Variants in MYH9 observed in about 807,000 individuals in gnomAD.
MYH9 encodes the protein myosin-9.
Under a neutral mutation model 241.9 loss-of-function variants are expected in MYH9, and 29 were observed. That is an observed-to-expected ratio of 0.12 (90% CI 0.09 to 0.16). MYH9 has a LOEUF of 0.16. Ranked by LOEUF, MYH9 falls within the 10% of genes least tolerant of loss-of-function variation. MYH9 has a pLI of 1.00. For missense variants in MYH9, 1,803 were observed against 2,595.5 expected (o/e 0.69, Z 6.63); for synonymous variants, 1,047 against 1,062.6 (o/e 0.99, Z 0.29).
At chr22:36,359,642 CCT>C (rs890136527) in intron 1 of MYH9, among the ~76,000 whole-genome samples, 6 of 152,206 alleles carry the variant, frequency 3.9e-5, no homozygotes, top group East Asian at 1.9e-4. Flanking sequence ...TCTAGCACCC[CCT>C]GATTAACCAG....
chr22:36,362,876 C>T (rs374468458), intron 1 of MYH9, among the ~76,000 whole-genome samples: 14 of 152,130 alleles, frequency 9.2e-5, no homozygotes, highest in Admixed American at 7.2e-4. Context: ...AATGATAGCC[C>T]GCCCAGCATG....
At chr22:36,358,262 G>A (rs929872288) in intron 1 of MYH9, among the ~76,000 whole-genome samples, 3 of 152,102 alleles carry the variant, frequency 2.0e-5, no homozygotes, top group East Asian at 1.9e-4. Context: ...ATGGGGTTTC[G>A]CCATATTGGC....
In MYH9 at chr22:36,306,555, C is replaced by T. The variant is rs769225192; in HGVS notation, c.1896G>A (p.Leu632=). 7.4e-6 allele frequency: 12 copies of T among 1,614,020 alleles called. No homozygotes were observed. In the Admixed American group the frequency reaches 2.0e-4, roughly 27 times the overall value. ...DQVAGMSETA[L]PGAFKTRKGM... is the part of the protein sequence containing the mutation. ...CCTTCCGCGTCTTGAAGGCCCCGGGCAGTGCGGTCTCCGACATGCCGGCCA... is the reference window on the plus strand; with the variant it reads ...CCTTCCGCGTCTTGAAGGCCCCGGGTAGTGCGGTCTCCGACATGCCGGCCA... The change falls in exon 16 of 41, where the codon CTG becomes CTA. Residue 632 remains leucine, a synonymous_variant. Coordinates refer to ENST00000216181, the MANE Select transcript of MYH9 (RefSeq NM_002473.6). This position sits in a 1 kb window ranked among gnomAD's most constrained non-coding sequence, Gnocchi z 4.1.
At position 36,300,240 on chromosome 22, in the gene MYH9, C is replaced by T. The variant is rs770044873; in HGVS notation, c.2863G>A (p.Glu955Lys). The T allele has an allele frequency of 6.2e-7, 1 of 1,613,522 alleles. No homozygotes were observed. Among genetic ancestry groups the T allele is most frequent in the Non-Finnish European group, 8.5e-7 (1 of 1,180,046 alleles). Residue 955 changes from glutamate to lysine, a missense_variant, in exon 23 of 41, where the codon GAG becomes AAG. Glu to Lys is a moderately conservative substitution (Grantham distance 56). Around this residue, in one of 11 missense-constraint regions of MYH9, gnomAD observed 290 missense variants for 360.5 expected, o/e 0.80. Transcript: ENST00000216181. This position sits in a 1 kb window ranked among gnomAD's most constrained non-coding sequence, Gnocchi z 5.0. ...IQELEEQLEE[E>K]ESARQKLQLE... is the part of the protein sequence containing the mutation. Reference sequence around the variant, plus strand: ...TGCAGCTTCTGCCGGGCGCTCTCCTCCTCCTCCAGCTGCTCCTCAAGCTCC... The same window carrying T: ...TGCAGCTTCTGCCGGGCGCTCTCCTTCTCCTCCAGCTGCTCCTCAAGCTCC...
chr22:36,360,071 A>T (rs2146404893), intron 1 of MYH9, among the ~76,000 whole-genome samples: 1 of 118,752 alleles, frequency 8.4e-6, no homozygotes, highest in South Asian at 2.8e-4. Context: ...CACCACCACC[A>T]CCACCTAACA....
chr22:36,386,151 G>C (rs1047788899), intron 1 of MYH9, among the ~76,000 whole-genome samples: 1 of 152,098 alleles, frequency 6.6e-6, no homozygotes, highest in Non-Finnish European at 1.5e-5. Flanking sequence ...ATGACTCACA[G>C]TACCTTTCCG....
chr22:36,318,767 CTT>C (rs993771157), intron 10 of MYH9, among the ~76,000 whole-genome samples: 4 of 146,036 alleles, frequency 2.7e-5, no homozygotes, highest in Admixed American at 6.8e-5. Context: ...ACAGGAATGT[CTT>C]TTTTTTTTTT....
intron 2 of MYH9, among the ~76,000 whole-genome samples, chr22:36,345,915 G>A (rs1241490017): frequency 2.0e-5 from 3 of 152,172 alleles, no homozygotes; most frequent in East Asian, 1.9e-4. Context: ...TTGGGAGGAC[G>A]AGGTGGGCGG....
intron 27 of MYH9, among the ~76,000 whole-genome samples, chr22:36,294,516 A>G (rs141746115): frequency 1.3e-5 from 2 of 152,294 alleles, no homozygotes; most frequent in Non-Finnish European, 2.9e-5. Context: ...TGCTTAGGAC[A>G]TCTCACAGCT....
chr22:36,369,392 G>A (rs1018017057), intron 1 of MYH9, among the ~76,000 whole-genome samples: 7 of 152,182 alleles, frequency 4.6e-5, no homozygotes, highest in East Asian at 3.8e-4. Context: ...CCTCCCCCTC[G>A]CCCTGGCAAA....
intron 3 of MYH9, among the ~76,000 whole-genome samples, chr22:36,339,567 C>T (rs1203444763): frequency 1.3e-5 from 2 of 152,198 alleles, no homozygotes; most frequent in Non-Finnish European, 2.9e-5. Flanking sequence ...GCATCAAGCT[C>T]AACAGTAAAA....
chr22:36,325,280 C>T (rs1156897902), intron 5 of MYH9, among the ~76,000 whole-genome samples: 2 of 152,198 alleles, frequency 1.3e-5, no homozygotes, highest in East Asian at 1.9e-4. Flanking sequence ...AAGCTTGGCA[C>T]ATGAAAAGTT....
At chr22:36,302,288 A>T in intron 20 of MYH9, 1 of 379,698 alleles carries the variant, frequency 2.6e-6, no homozygotes, top group Non-Finnish European at 5.0e-6. Context: ...TTAAAAATAA[A>T]GAGATTTTTT....
At chr22:36,334,675 A>C (rs1466569264) in intron 3 of MYH9, among the ~76,000 whole-genome samples, 1 of 152,196 alleles carries the variant, frequency 6.6e-6, no homozygotes, top group African/African-American at 2.4e-5. Context: ...GGACGGAAGG[A>C]ATGAGCGATT....
chr22:36,304,895 T>C (rs1377810313), intron 18 of MYH9, 138 bp downstream of exon 18: 2 of 865,248 alleles, frequency 2.3e-6, no homozygotes, highest in Non-Finnish European at 3.8e-6. Flanking sequence ...CCCGGCAGAG[T>C]CAGACGCGGA....
chr22:36,332,661 TA>T (rs67602880), intron 3 of MYH9, among the ~76,000 whole-genome samples: 11,475 of 43,964 alleles, frequency 0.26, 958 homozygotes, highest in East Asian at 0.59. Context: ...TCTGGATAAT[TA>T]AAAAAAAAAA....
At position 36,285,207 on chromosome 22, in the gene MYH9, G is replaced by C. The variant is rs1234182671; in HGVS notation, c.5397C>G (p.Gly1799=). 1 of 1,614,074 alleles carries C rather than the reference G, an allele frequency of 6.2e-7. No homozygotes were observed. Among genetic ancestry groups the C allele is most frequent in the Admixed American group, 1.7e-5 (1 of 60,006 alleles). The change falls in exon 38 of 41, where the codon GGC becomes GGG. Residue 1799 remains glycine (G), a synonymous_variant. Transcript: ENST00000216181. The surrounding 1 kb of genome is among the most constrained non-coding windows in gnomAD (Gnocchi z 7.0). ...ELKVKLQEME[G]TVKSKYKASI... Reference sequence around the variant, plus strand: ...AGGCCTTGTACTTGGACTTGACAGTGCCCTCCATCTCCTGCAGCTTGACCT... The same window carrying C: ...AGGCCTTGTACTTGGACTTGACAGTCCCCTCCATCTCCTGCAGCTTGACCT...
intron 1 of MYH9, among the ~76,000 whole-genome samples, chr22:36,350,161 CAA>C (rs1286194869): frequency 2.6e-5 from 4 of 152,140 alleles, no homozygotes. Flanking sequence ...ACACTAAGGT[CAA>C]AAGTGACCCT....
chr22:36,296,065 G>C (rs183761106), intron 25 of MYH9, among the ~76,000 whole-genome samples: 168 of 152,276 alleles, frequency 1.1e-3, no homozygotes, highest in Admixed American at 2.1e-3. Flanking sequence ...AATGTGCTAC[G>C]GACTTTAGAT....
Sources: allele counts gnomAD v4.1 joint callset (sites outside exome capture counted in the v4.1 genomes callset), GRCh38; gene constraint gnomAD v4.1.1; regional missense constraint gnomAD v4.1.1; non-coding constraint Gnocchi (gnomAD v3.1); transcripts MANE v1.5; gene names NCBI Gene and HGNC (gene_info 2026-07-23, HGNC 2026-07-21).